TMEM185A: variants seen among roughly 807,000 people sequenced by gnomAD.
The protein encoded by TMEM185A is transmembrane protein 185A.
TMEM185A carries 9 observed loss-of-function variants against 25.0 expected under a neutral mutation model. That is an observed-to-expected ratio of 0.36 (90% CI 0.22 to 0.63). The LOEUF is 0.63. Among genes scored for constraint, TMEM185A ranks in the 20% least tolerant of loss-of-function variants. The pLI is 0.68. For missense variants in TMEM185A, 103 were observed against 237.4 expected (o/e 0.43, Z 3.72); for synonymous variants, 45 against 93.5 (o/e 0.48, Z 2.99).
At chrX:149,605,509 C>A (rs1250167254) in intron 3 of TMEM185A, among the ~76,000 whole-genome samples, 3 of 107,024 alleles carry the variant, frequency 2.8e-5, no homozygotes, top group Non-Finnish European at 5.8e-5. Context: ...CTTTCTATGG[C>A]CTCCCATGTC....
In TMEM185A at chrX:149,604,417, G is replaced by A. The variant is rs147348088; in HGVS notation, c.424-347C>T. On this transcript the variant is annotated intron_variant, in intron 3 of 6. Coordinates refer to ENST00000600449, the MANE Select transcript of TMEM185A (RefSeq NM_032508.4). The stretch of plus-strand genomic sequence containing the variant: ...TCCCTACCAACAATACTGTCTACTC[G>A]AAACCATCCTTGTGCATCCTTCTTC... 4.2e-4 allele frequency among the ~76,000 whole-genome samples: 47 copies of A among 111,600 alleles called. No homozygotes were observed. The East Asian group carries it at 0.013, about 31-fold the overall frequency.
intron 1 of TMEM185A, among the ~76,000 whole-genome samples, chrX:149,616,474 G>A (rs2090110982): frequency 9.0e-6 from 1 of 111,604 alleles, no homozygotes; most frequent in Admixed American, 9.5e-5. Flanking sequence ...CTTGGCTCAT[G>A]GCCCCTTTCT....
At chrX:149,627,542 A>G (rs960628843) in intron 1 of TMEM185A, among the ~76,000 whole-genome samples, 2 of 111,984 alleles carry the variant, frequency 1.8e-5, no homozygotes, top group Non-Finnish European at 3.8e-5. Context: ...TCTGATGACA[A>G]CCCTACAATT....
chrX:149,631,073 A>C (rs781914280), intron 1 of TMEM185A, among the ~76,000 whole-genome samples: 2 of 110,356 alleles, frequency 1.8e-5, no homozygotes, highest in African/African-American at 3.3e-5. Context: ...CAAACAAGAG[A>C]GGGATGGGCA....
intron 1 of TMEM185A, among the ~76,000 whole-genome samples, chrX:149,616,348 G>A (rs2090110330): frequency 8.9e-6 from 1 of 111,867 alleles, no homozygotes. Flanking sequence ...TGAGGCCAGA[G>A]GTCCAAAAAG....
At chrX:149,613,272 T>C (rs2090093823) in intron 1 of TMEM185A, among the ~76,000 whole-genome samples, 1 of 112,222 alleles carries the variant, frequency 8.9e-6, no homozygotes, top group African/African-American at 3.2e-5. Flanking sequence ...ACATAAGCCC[T>C]TAAGAAAGCA....
chrX:149,610,124 C>A (rs2124212308), intron 2 of TMEM185A, among the ~76,000 whole-genome samples: 1 of 110,911 alleles, frequency 9.0e-6, no homozygotes, highest in Non-Finnish European at 1.9e-5. Context: ...ATTTAGTAAA[C>A]AAAAATTTAA....
intron 2 of TMEM185A, among the ~76,000 whole-genome samples, chrX:149,609,082 G>A (rs1002856140): frequency 5.3e-5 from 6 of 112,337 alleles, no homozygotes; most frequent in South Asian, 3.7e-4. Context: ...TGTTTTAACC[G>A]TATAAGGATA....
chrX:149,610,723 G>A (rs2090078849), intron 2 of TMEM185A, among the ~76,000 whole-genome samples: 1 of 111,632 alleles, frequency 9.0e-6, no homozygotes, highest in Non-Finnish European at 1.9e-5. Flanking sequence ...GGCAAGAGTT[G>A]GAAACGGTAA....
In TMEM185A at chrX:149,605,401, A is replaced by G. The variant is rs78146365; in HGVS notation, c.424-1331T>C. ...TATAGCCTCCCATGTCACTTTCTAT[A>G]GCCTCCCATGTCACTTTCTATGGCC... On this transcript the variant is annotated intron_variant, in intron 3 of 6. Coordinates refer to ENST00000600449, the MANE Select transcript of TMEM185A (RefSeq NM_032508.4). 3.2e-3 allele frequency among the ~76,000 whole-genome samples: 233 copies of G among 73,769 alleles called. 1 individual carries two copies. Among genetic ancestry groups the G allele is most frequent in the Middle Eastern group, 7.8e-3 (1 of 128 alleles). 64.1% of individuals were successfully genotyped at this position (73,769 alleles called of 115,157 possible).
chrX:149,614,677 G>A (rs782700791), intron 1 of TMEM185A, among the ~76,000 whole-genome samples: 22 of 111,261 alleles, frequency 2.0e-4, no homozygotes, highest in Non-Finnish European at 4.2e-4. Flanking sequence ...TAAGAAAATT[G>A]GTAAATCTAC....
intron 1 of TMEM185A, among the ~76,000 whole-genome samples, chrX:149,612,031 G>T (rs1186472751): frequency 8.9e-6 from 1 of 112,353 alleles, no homozygotes; most frequent in Non-Finnish European, 1.9e-5. Context: ...TTCCATGAAT[G>T]AATAAATTAC....
At chrX:149,610,988 G>A (rs1355504531) in intron 2 of TMEM185A, among the ~76,000 whole-genome samples, 2 of 111,612 alleles carry the variant, frequency 1.8e-5, no homozygotes, top group Non-Finnish European at 3.8e-5. Flanking sequence ...AAAACAGGGT[G>A]GTTTCATGCT....
At chrX:149,608,484 C>T in intron 3 of TMEM185A, 143 bp downstream of exon 3, 1 of 538,112 alleles carries the variant, frequency 1.9e-6, no homozygotes, top group Middle Eastern at 5.9e-4. Context: ...GCGCATGCCA[C>T]CACACCCGGC....
chrX:149,604,632 C>G (rs1280291117), intron 3 of TMEM185A, among the ~76,000 whole-genome samples: 1 of 111,001 alleles, frequency 9.0e-6, no homozygotes, highest in Non-Finnish European at 1.9e-5. Context: ...GATAAACCCA[C>G]CCCATCCTTT....
chrX:149,616,424 T>A (rs2090110760), intron 1 of TMEM185A, among the ~76,000 whole-genome samples: 1 of 111,770 alleles, frequency 8.9e-6, no homozygotes, highest in African/African-American at 3.3e-5. Flanking sequence ...TATGGGAGAA[T>A]CTATTACTTG....
chrX:149,626,298 G>GT (rs1181602471), intron 1 of TMEM185A, among the ~76,000 whole-genome samples: 1 of 112,503 alleles, frequency 8.9e-6, no homozygotes, highest in African/African-American at 3.2e-5. Flanking sequence ...CACTTGAGTG[G>GT]TAAGTAGTTC....
At chrX:149,619,879 C>T (rs2090131289) in intron 1 of TMEM185A, among the ~76,000 whole-genome samples, 1 of 112,020 alleles carries the variant, frequency 8.9e-6, no homozygotes, top group Non-Finnish European at 1.9e-5. Context: ...ATATGTGCCA[C>T]ATTTTCTTGA....
chrX:149,626,254 G>A (rs1160070229), intron 1 of TMEM185A, among the ~76,000 whole-genome samples: 1 of 112,383 alleles, frequency 8.9e-6, no homozygotes, highest in Non-Finnish European at 1.9e-5. Context: ...CTGACTGTAG[G>A]TGGCTTGAGA....
Sources: gnomAD v4.1 joint callset for allele counts (sites outside exome capture counted in the v4.1 genomes callset) on GRCh38, gnomAD v4.1.1 for gene constraint, MANE v1.5 for transcripts, NCBI Gene and HGNC (gene_info 2026-07-23, HGNC 2026-07-21) for gene names.